Variants in LRRC53 observed in about 807,000 individuals in gnomAD.
LRRC53 encodes the protein leucine rich repeat containing 53.
In LRRC53, 25 loss-of-function variants were observed where a neutral mutation model predicts 13.6. The ratio of observed to expected loss-of-function variants is 1.83; its 90% CI spans 1.34 to 2.56. The LOEUF (loss-of-function observed/expected upper bound fraction) is 2.56. Among genes scored for constraint, LRRC53 ranks in the 30% most tolerant of loss-of-function variants. The pLI, the probability that LRRC53 is intolerant of heterozygous loss-of-function variation, is 0.00. For synonymous variants in LRRC53, 204 were observed against 109.8 expected, an observed-to-expected ratio of 1.86 and a Z score of -5.37; for missense variants, 527 against 275.8, an observed-to-expected ratio of 1.91 and a Z score of -6.45.
upstream of LRRC53, among the ~76,000 whole-genome samples, chr1:74,516,912 T>C (rs1320152453): frequency 6.6e-6 from 1 of 152,190 alleles, no homozygotes; most frequent in African/African-American, 2.4e-5. Flanking sequence ...GTTAACTACA[T>C]GATAGACAGT....
chr1:74,498,581 G>C (rs1669453688), intron 1 of LRRC53, among the ~76,000 whole-genome samples: 1 of 152,060 alleles, frequency 6.6e-6, no homozygotes, highest in Admixed American at 6.6e-5. Context: ...TAGTTAGGCT[G>C]TAAATACCAG....
At chr1:74,500,056 T>C (rs1320883506) in intron 1 of LRRC53, among the ~76,000 whole-genome samples, 1 of 151,876 alleles carries the variant, frequency 6.6e-6, no homozygotes, top group African/African-American at 2.4e-5. Context: ...TAATATATTA[T>C]TTAAAATAAC....
At chr1:74,532,849 A>G in the LRRC53 span, among the ~76,000 whole-genome samples, 1 of 152,166 alleles carries the variant, frequency 6.6e-6, no homozygotes, top group Non-Finnish European at 1.5e-5. Context: ...TGCTGGGAAA[A>G]CTGGCTAGCC....
At chr1:74,488,211 A>C (rs1668866665) in intron 1 of LRRC53, among the ~76,000 whole-genome samples, 1 of 152,126 alleles carries the variant, frequency 6.6e-6, no homozygotes, top group Non-Finnish European at 1.5e-5. Context: ...AACCATTTGG[A>C]AGTAGCAGTG....
chr1:74,498,126 G>A (rs909597401), intron 1 of LRRC53, among the ~76,000 whole-genome samples: 1 of 152,178 alleles, frequency 6.6e-6, no homozygotes, highest in Non-Finnish European at 1.5e-5. Context: ...TACACAAAAT[G>A]ACAATAGCAT....
the LRRC53 span, among the ~76,000 whole-genome samples, chr1:74,528,971 A>T: frequency 6.6e-6 from 1 of 152,228 alleles, no homozygotes; most frequent in Admixed American, 6.5e-5. Context: ...AGATGGTGAC[A>T]TAACAAAGGA....
intron 1 of LRRC53, among the ~76,000 whole-genome samples, chr1:74,511,547 T>A (rs1670225443): frequency 6.6e-6 from 1 of 152,194 alleles, no homozygotes; most frequent in South Asian, 2.1e-4. Flanking sequence ...ACTGATCTAA[T>A]TCCATTGGAT....
chr1:74,473,986 C>T (rs1271288105), intron 4 of LRRC53, among the ~76,000 whole-genome samples: 4 of 152,082 alleles, frequency 2.6e-5, no homozygotes, highest in Non-Finnish European at 5.9e-5. Flanking sequence ...GCAGATGTGA[C>T]CTTGGCTGTT....
At chr1:74,477,767 T>C (rs555014695) in intron 3 of LRRC53, among the ~76,000 whole-genome samples, 4 of 152,184 alleles carry the variant, frequency 2.6e-5, no homozygotes, top group African/African-American at 9.6e-5. Context: ...AAATGAAGCT[T>C]GTAGGCAGGC....
At chr1:74,482,638 G>A (rs532906207) in intron 2 of LRRC53, among the ~76,000 whole-genome samples, 1 of 152,226 alleles carries the variant, frequency 6.6e-6, no homozygotes, top group East Asian at 1.9e-4. Context: ...TTTTCCATTG[G>A]CAGAGCTTAT....
intron 1 of LRRC53, among the ~76,000 whole-genome samples, chr1:74,488,473 G>A (rs531024572): frequency 6.6e-6 from 1 of 152,190 alleles, no homozygotes; most frequent in East Asian, 1.9e-4. Flanking sequence ...AGAAATGATA[G>A]GGTGTATAGT....
chr1:74,494,269 GT>G (rs1240010460), intron 1 of LRRC53, among the ~76,000 whole-genome samples: 1 of 152,094 alleles, frequency 6.6e-6, no homozygotes, highest in Non-Finnish European at 1.5e-5. Flanking sequence ...GTTAGCAAGG[GT>G]TTCTATACAA....
At chr1:74,502,491 T>C (rs951071867) in intron 1 of LRRC53, among the ~76,000 whole-genome samples, 8 of 152,230 alleles carry the variant, frequency 5.3e-5, no homozygotes, top group African/African-American at 1.9e-4. Context: ...GCCTGTCCGG[T>C]AGTGTTTTCA....
rs552016735 is a variant in LRRC53, at chr1:74,505,492, T to C, written c.-27+7034A>G. Among the ~76,000 whole-genome samples, 5 of 152,344 alleles carry C rather than the reference T, an allele frequency of 3.3e-5. No individual in the cohort carries two copies. In the East Asian group the frequency reaches 7.7e-4, roughly 24 times the overall value. On this transcript the variant is annotated intron_variant, in intron 1 of 4. Transcript: ENST00000294635. ...ACAAGAGCAATGATTTCTAAATAGA[T>C]TTCTGAAGCAGCTCTTACAATGGCT... is the stretch of plus-strand genomic sequence containing the variant.
At chr1:74,501,762 C>T (rs1669643504) in intron 1 of LRRC53, among the ~76,000 whole-genome samples, 1 of 152,004 alleles carries the variant, frequency 6.6e-6, no homozygotes, top group African/African-American at 2.4e-5. Flanking sequence ...GCTGGGATTA[C>T]AAGCATGAGC....
the LRRC53 span, among the ~76,000 whole-genome samples, chr1:74,518,651 G>C: frequency 5.9e-5 from 9 of 152,144 alleles, no homozygotes; most frequent in South Asian, 1.7e-3. Flanking sequence ...GCTTCATAAT[G>C]CATCGCTAAT....
chr1:74,487,765 A>G (rs1668841356), intron 1 of LRRC53, among the ~76,000 whole-genome samples: 1 of 152,202 alleles, frequency 6.6e-6, no homozygotes, highest in African/African-American at 2.4e-5. Context: ...ACTGCTCGTA[A>G]TAAAAAGCTC....
intron 4 of LRRC53, among the ~76,000 whole-genome samples, chr1:74,472,999 C>T (rs1668011689): frequency 1.3e-5 from 2 of 152,058 alleles, no homozygotes; most frequent in South Asian, 4.1e-4. Context: ...TGGGGACAGA[C>T]CATATCTACA....
the LRRC53 span, among the ~76,000 whole-genome samples, chr1:74,524,438 A>G: frequency 6.6e-6 from 1 of 152,196 alleles, no homozygotes; most frequent in Non-Finnish European, 1.5e-5. Context: ...CAGCTAGAGT[A>G]TGTAGGGCCA....
Sources: allele counts gnomAD v4.1 joint callset (sites outside exome capture counted in the v4.1 genomes callset), GRCh38; gene constraint gnomAD v4.1.1; transcripts MANE v1.5; gene names NCBI Gene and HGNC (gene_info 2026-07-23, HGNC 2026-07-21).